Variants in ATP8A2 observed in about 807,000 individuals in gnomAD.
ATP8A2 encodes phospholipid-transporting ATPase IB.
ATP8A2 carries 100 observed loss-of-function variants against 165.6 expected under a neutral mutation model. The ratio of observed to expected loss-of-function variants is 0.60; its 90% confidence interval spans 0.51 to 0.71. ATP8A2 has a LOEUF of 0.71. Among genes scored for constraint, ATP8A2 ranks in the 30% least tolerant of loss-of-function variants. The pLI is 0.00. For missense variants in ATP8A2, 1,227 were observed against 1,479.5 expected, an observed-to-expected ratio of 0.83 and a Z score of 2.80; for synonymous variants, 543 against 548.8, an observed-to-expected ratio of 0.99 and a Z score of 0.15.
intron 25 of ATP8A2, among the ~76,000 whole-genome samples, chr13:25,713,789 G>A (rs1354107870): frequency 1.3e-5 from 2 of 150,840 alleles, no homozygotes; most frequent in African/African-American, 4.8e-5. Flanking sequence ...CTGGGTCCTG[G>A]GGAGCTAGCA....
intron 2 of ATP8A2, among the ~76,000 whole-genome samples, chr13:25,515,443 CTCGCAGG>C (rs2037436265): frequency 1.3e-5 from 2 of 152,258 alleles, no homozygotes; most frequent in African/African-American, 4.8e-5. Flanking sequence ...TTCTTCCTGC[CTCGCAGG>C]CCAGGGCCCT....
intron 25 of ATP8A2, among the ~76,000 whole-genome samples, chr13:25,703,190 C>T (rs2042986271): frequency 6.6e-6 from 1 of 152,174 alleles, no homozygotes; most frequent in Non-Finnish European, 1.5e-5. Context: ...AGCAATTCTC[C>T]TGCCTCGGCC....
chr13:25,899,554 A>T (rs1485489437), intron 33 of ATP8A2, among the ~76,000 whole-genome samples: 1 of 152,202 alleles, frequency 6.6e-6, no homozygotes, highest in Non-Finnish European at 1.5e-5. Context: ...GAGGGCCACT[A>T]TCTCGACTGA....
At chr13:25,810,941 T>C (rs868646679) in intron 27 of ATP8A2, among the ~76,000 whole-genome samples, 2 of 152,226 alleles carry the variant, frequency 1.3e-5, no homozygotes, top group Non-Finnish European at 2.9e-5. Flanking sequence ...ATTCTGATTA[T>C]GTTTATATTT....
At position 25,919,399 on chromosome 13, in the gene ATP8A2, T is replaced by C. The variant is rs375907965; in HGVS notation, c.3184-42176T>C. 1.7e-3 allele frequency among the ~76,000 whole-genome samples: 252 copies of C among 152,292 alleles called. 6 individuals are homozygous for C. In the South Asian group the frequency reaches 0.05, roughly 30 times the overall value. The stretch of plus-strand genomic sequence containing the variant: ...TTATAACTGTATTCAGATCTCCACA[T>C]CTGAGAGACTGGAGGGATTTGGGTT... On this transcript the variant is annotated intron_variant, in intron 33 of 36. Coordinates refer to ENST00000381655, the MANE Select transcript of ATP8A2 (RefSeq NM_016529.6).
chr13:25,502,611 G>C (rs1280157707), intron 2 of ATP8A2, among the ~76,000 whole-genome samples: 1 of 152,206 alleles, frequency 6.6e-6, no homozygotes, highest in Non-Finnish European at 1.5e-5. Flanking sequence ...CTAATAGTAA[G>C]CTACAAATAG....
At chr13:25,377,658 G>T (rs528686147) in intron 1 of ATP8A2, among the ~76,000 whole-genome samples, 3 of 152,204 alleles carry the variant, frequency 2.0e-5, no homozygotes, top group Admixed American at 6.5e-5. Flanking sequence ...AAGTGGTAAT[G>T]GTGCGTGCCT....
chr13:25,821,348 C>T (rs1224884076), intron 27 of ATP8A2, among the ~76,000 whole-genome samples: 2 of 152,188 alleles, frequency 1.3e-5, no homozygotes, highest in African/African-American at 2.4e-5. Context: ...TTTACCCCCT[C>T]GTATGTTTTC....
In ATP8A2 at chr13:25,429,421, C is replaced by T. The variant is rs116032803; in HGVS notation, c.77-39556C>T. 8.3e-3 allele frequency among the ~76,000 whole-genome samples: 1,238 copies of T among 148,944 alleles called. 21 individuals carry two copies. The highest frequency in any genetic ancestry group is 0.028 in the African/African-American group (1,145 of 40,302). On this transcript the variant is annotated intron_variant, in intron 1 of 36. Transcript: ENST00000381655. ...AAAAAGAAGTAATCTTGCATGTTCACTCTTTGGAAGGACTCTCCGAATTCT... is the reference window on the plus strand; with the variant it reads ...AAAAAGAAGTAATCTTGCATGTTCATTCTTTGGAAGGACTCTCCGAATTCT...
chr13:25,377,313 C>A (rs1458254732), intron 1 of ATP8A2, among the ~76,000 whole-genome samples: 4 of 152,204 alleles, frequency 2.6e-5, no homozygotes, highest in East Asian at 1.9e-4. Context: ...TGTTAACAAC[C>A]ATTAAGAAGG....
chr13:25,485,437 C>T (rs1026676434), intron 2 of ATP8A2, among the ~76,000 whole-genome samples: 19 of 152,224 alleles, frequency 1.2e-4, no homozygotes, highest in African/African-American at 4.6e-4. Flanking sequence ...CTTTTACCAA[C>T]CTCCTTCCAC....
chr13:25,855,489 A>C (rs892856698), intron 30 of ATP8A2, among the ~76,000 whole-genome samples: 5 of 152,206 alleles, frequency 3.3e-5, no homozygotes, highest in Admixed American at 2.6e-4. Flanking sequence ...GTGTTCTATC[A>C]TATTGATATA....
intron 24 of ATP8A2, among the ~76,000 whole-genome samples, chr13:25,695,890 T>C (rs1206336773): frequency 6.6e-6 from 1 of 152,214 alleles, no homozygotes; most frequent in Non-Finnish European, 1.5e-5. Flanking sequence ...CCATGAATCA[T>C]AGGTGTTCTT....
At chr13:25,733,706 A>G (rs989357332) in intron 25 of ATP8A2, among the ~76,000 whole-genome samples, 1 of 152,168 alleles carries the variant, frequency 6.6e-6, no homozygotes, top group Admixed American at 6.5e-5. Flanking sequence ...CACTTAATCT[A>G]TTTTATACAT....
chr13:25,673,228 C>T (rs2042303195), intron 24 of ATP8A2, among the ~76,000 whole-genome samples: 1 of 152,128 alleles, frequency 6.6e-6, no homozygotes, highest in Non-Finnish European at 1.5e-5. Flanking sequence ...TCAGATTGTA[C>T]TATTAGCAGA....
intron 24 of ATP8A2, among the ~76,000 whole-genome samples, chr13:25,638,787 C>T (rs1375771401): frequency 6.6e-6 from 1 of 151,898 alleles, no homozygotes; most frequent in Non-Finnish European, 1.5e-5. Flanking sequence ...GAAGAGCAAC[C>T]CCAAGACACA....
Position 25,491,808 on chromosome 13 carries a change from A to T in ATP8A2, c.221+22687A>T, listed in dbSNP as rs191077944. Among the ~76,000 whole-genome samples, 296 of 152,352 alleles carry T rather than the reference A, an allele frequency of 1.9e-3. 2 individuals are homozygous for T. The highest frequency in any genetic ancestry group is 6.1e-3 in the African/African-American group (255 of 41,578). On this transcript the variant is annotated intron_variant, in intron 2 of 36. Transcript: ENST00000381655. The stretch of plus-strand genomic sequence containing the variant: ...ATTGAAGACCAAGTCAAGAAAAGAA[A>T]ATATGACATTAGTGGTGTGATTTAG...
intron 5 of ATP8A2, 106 bp downstream of exon 5, chr13:25,532,423 A>C: frequency 1.4e-6 from 1 of 712,648 alleles, no homozygotes; most frequent in Non-Finnish European, 2.4e-6. Context: ...TAAATTGGGA[A>C]GATGATCTAT....
chr13:25,833,150 T>C (rs1951521080), intron 28 of ATP8A2, among the ~76,000 whole-genome samples: 1 of 152,026 alleles, frequency 6.6e-6, no homozygotes. Flanking sequence ...ATTAAAATTA[T>C]ACATTGCATA....
Sources: gnomAD v4.1 joint callset for allele counts (sites outside exome capture counted in the v4.1 genomes callset) on GRCh38, gnomAD v4.1.1 for gene constraint, MANE v1.5 for transcripts, NCBI Gene and HGNC (gene_info 2026-07-23, HGNC 2026-07-21) for gene names.